The following INCENP variants were observed in gnomAD, a reference collection of about 807,000 sequenced individuals.
INCENP encodes inner centromere protein.
In INCENP, 43 loss-of-function variants were observed where a neutral mutation model predicts 107.3. The observed-to-expected ratio is 0.40, with a 90% CI of 0.31 to 0.52. The LOEUF (loss-of-function observed/expected upper bound fraction) is 0.52, where lower values mean the gene tolerates loss of function less well. INCENP is among the 20% of genes least tolerant of loss of function. INCENP has a pLI of 0.53. For missense variants in INCENP, 1,089 were observed against 1,250.9 expected (o/e 0.87, Z 1.95); for synonymous variants, 488 against 494.4 (o/e 0.99, Z 0.17).
At chr11:62,128,393 C>T (rs1943804502) in intron 2 of INCENP, 92 bp downstream of exon 2, 1 of 1,426,542 alleles carries the variant, frequency 7.0e-7, no homozygotes, top group Non-Finnish European at 9.7e-7. Context: ...TCCCCGCCTA[C>T]CTGGCAAAAC....
intron 7 of INCENP, among the ~76,000 whole-genome samples, chr11:62,139,804 GTTC>G (rs1162347269): frequency 1.3e-5 from 2 of 152,218 alleles, no homozygotes; most frequent in East Asian, 3.9e-4. Context: ...TCCACACACT[GTTC>G]TTCGTGTCAG....
At position 62,130,490 on chromosome 11, in the gene INCENP, G is replaced by A. The variant is rs1943868527; in HGVS notation, c.963G>A (p.Lys321=). ...SSPSPQVLAQ[K]YSLVAKQESV... ...CGAGTCCCCAAGTCTTAGCCCAGAA[G>A]TACTCTCTGGTGGCCAAACAGGAAA... is the stretch of plus-strand genomic sequence containing the variant. Residue 321 remains lysine (K), a synonymous_variant, in exon 4 of 19, where the codon AAG becomes AAA. Transcript: ENST00000394818. 3 of 1,614,098 alleles carry A rather than the reference G, an allele frequency of 1.9e-6. No individual in the cohort carries two copies. Among genetic ancestry groups the A allele is most frequent in the Non-Finnish European group, 2.5e-6 (3 of 1,180,024 alleles).
At chr11:62,137,705 G>T in intron 4 of INCENP, 127 bp from the exon 5 acceptor site, 2 of 802,956 alleles carry the variant, frequency 2.5e-6, no homozygotes, top group Admixed American at 1.8e-5. Flanking sequence ...TGGGCATGGT[G>T]GGGGCTCCAC....
At chr11:62,147,728 AG>A (rs1944283658) in intron 15 of INCENP, among the ~76,000 whole-genome samples, 1 of 152,144 alleles carries the variant, frequency 6.6e-6, no homozygotes, top group African/African-American at 2.4e-5. Context: ...AGTCACAGCC[AG>A]GGGGCTGCAC....
At chr11:62,149,362 G>C (rs762852009) in intron 17 of INCENP, among the ~76,000 whole-genome samples, 9 of 152,068 alleles carry the variant, frequency 5.9e-5, no homozygotes, top group Non-Finnish European at 8.8e-5. Flanking sequence ...GAATTCAGCC[G>C]GCTCCTCTTG....
Position 62,130,523 on chromosome 11 carries a change from C to A in INCENP, c.996C>A (p.Val332=). The A allele has an allele frequency of 4.3e-6, 7 of 1,614,070 alleles. No individual in the cohort carries two copies. Among genetic ancestry groups the A allele is most frequent in the Non-Finnish European group, 5.9e-6 (7 of 1,180,040 alleles). ...YSLVAKQESV[V]RRASRRLAKK... Reference sequence around the variant, plus strand: ...TGGTGGCCAAACAGGAAAGTGTTGTCCGCAGGGCGAGCAGAAGGCTTGCCA... The same window carrying A: ...TGGTGGCCAAACAGGAAAGTGTTGTACGCAGGGCGAGCAGAAGGCTTGCCA... Residue 332 remains valine, a synonymous_variant, in exon 4 of 19, where the codon GTC becomes GTA. Transcript: ENST00000394818.
chr11:62,127,019 A>G lies in INCENP; in HGVS notation c.-11-1132A>G, dbSNP rs186478613. Among the ~76,000 whole-genome samples, 364 of 149,928 alleles carry G rather than the reference A, an allele frequency of 2.4e-3. 4 individuals carry two copies. Among genetic ancestry groups the G allele is most frequent in the Non-Finnish European group, 3.3e-3 (226 of 67,616 alleles). On this transcript the variant is annotated intron_variant, in intron 1 of 18. Transcript: ENST00000394818. ...CTTCTTCCTTGCTTGAAGTTTTTGT[A>G]ATGGCTATCAAGTTTTTTGTTTTGT...
intron 7 of INCENP, 24 bp from the exon 8 acceptor site, chr11:62,140,210 T>A: frequency 6.2e-7 from 1 of 1,611,650 alleles, no homozygotes; most frequent in Non-Finnish European, 8.5e-7. Context: ...TTCTGCAGCC[T>A]TGCTGAAATT....
chr11:62,126,309 C>T (rs1487617594), intron 1 of INCENP, among the ~76,000 whole-genome samples: 2 of 152,014 alleles, frequency 1.3e-5, no homozygotes, highest in South Asian at 2.1e-4. Flanking sequence ...GATTCTCCTG[C>T]GTCAGCCTCC....
At chr11:62,127,780 G>C (rs1430136984) in intron 1 of INCENP, among the ~76,000 whole-genome samples, 1 of 151,880 alleles carries the variant, frequency 6.6e-6, no homozygotes, top group Admixed American at 6.6e-5. Flanking sequence ...GGGCCCTGGG[G>C]TGGCCAGGAA....
At position 62,128,881 on chromosome 11, in the gene INCENP, A is replaced by C; in HGVS notation, c.252A>C (p.Arg84Ser). The C allele has an allele frequency of 1.2e-6, 2 of 1,601,812 alleles. No homozygotes were observed. Among genetic ancestry groups the C allele is most frequent in the Non-Finnish European group, 8.6e-7 (1 of 1,168,848 alleles). The change falls in exon 3 of 19, where the codon AGA becomes AGC. Residue 84 changes from arginine (R) to serine (S), a missense_variant and splice_region_variant. Arg to Ser is a moderately radical substitution (Grantham distance 110). Transcript: ENST00000394818. ...VQDENRDPIR[R>S]RLSRRKSRSS... ...ATGAAAACAGAGATCCCATCAGGAG[A>C]AGGTAGGAGGGGTTGGGGGAGAGTG... is the stretch of plus-strand genomic sequence containing the variant.
intron 7 of INCENP, 126 bp downstream of exon 7, chr11:62,139,131 A>T (rs1373941666): frequency 1.5e-6 from 1 of 687,266 alleles, no homozygotes; most frequent in South Asian, 1.6e-5. Flanking sequence ...AAGAGAAATT[A>T]AACCTGGGGG....
At chr11:62,144,439 T>A (rs1425125604) in intron 11 of INCENP, among the ~76,000 whole-genome samples, 4 of 152,192 alleles carry the variant, frequency 2.6e-5, no homozygotes, top group African/African-American at 7.2e-5. Flanking sequence ...ACTGTTAGCA[T>A]TTGTCAATAT....
Position 62,140,955 on chromosome 11 carries a change from A to G in INCENP, c.1504A>G (p.Asn502Asp). 1.2e-6 allele frequency: 2 copies of G among 1,614,224 alleles called. No individual in the cohort carries two copies. The highest frequency in any genetic ancestry group is 1.7e-6 in the Non-Finnish European group (2 of 1,180,036). Residue 502 changes from asparagine (N) to aspartate (D), a missense_variant, in exon 10 of 19, where the codon AAC becomes GAC. Coordinates refer to ENST00000394818, the MANE Select transcript of INCENP (RefSeq NM_001040694.2). ...LRTFLHTVQR[N>D]QMLMTPTSAP... ...GACCTTTCTGCACACAGTGCAGAGGAACCAGATGCTCATGACCCCGACCTC... is the reference window on the plus strand; with the variant it reads ...GACCTTTCTGCACACAGTGCAGAGGGACCAGATGCTCATGACCCCGACCTC...
Position 62,151,892 on chromosome 11 carries a change from C to T in INCENP, c.2673C>T (p.Arg891=). ...AGAGCAAGCCCCGCTATCACAAGCG[C>T]ACCAGCTCTGCTGTCTGGAACTCAC... ...FKKSKPRYHK[R]TSSAVWNSPP... The change falls in exon 19 of 19, where the codon CGC becomes CGT. Residue 891 remains arginine, a synonymous_variant. Transcript: ENST00000394818. 1 of 1,614,142 alleles carries T rather than the reference C, an allele frequency of 6.2e-7. No individual in the cohort carries two copies. The highest frequency in any genetic ancestry group is 8.5e-7 in the Non-Finnish European group (1 of 1,180,042).
Position 62,146,892 on chromosome 11 carries a change from C to T in INCENP, c.2194C>T (p.Gln732Ter). Residue 732 changes from glutamine (Q) to a stop codon, truncating the protein, a stop_gained, in exon 15 of 19, where the codon CAG (glutamine) becomes TAG (stop). Transcript: ENST00000394818. LOFTEE classifies it high-confidence loss of function. The part of the protein sequence containing the change: ...QERRREQERL[Q>*]AERELQEREK... ...GCGTCGGCGGGAGCAGGAGCGGCTC[C>T]AGGCCGAGAGGTGAGGGACCTGCTG... 1 of 1,601,538 alleles carries T rather than the reference C, an allele frequency of 6.2e-7. No individual in the cohort carries two copies. Among genetic ancestry groups the T allele is most frequent in the South Asian group, 1.1e-5 (1 of 90,474 alleles).
At chr11:62,132,751 G>A (rs1160059807) in intron 4 of INCENP, among the ~76,000 whole-genome samples, 2 of 152,076 alleles carry the variant, frequency 1.3e-5, no homozygotes, top group Non-Finnish European at 2.9e-5. Context: ...TGATTTGACT[G>A]GTGCATGTTA....
chr11:62,150,844 G>C, intron 18 of INCENP, among the ~76,000 whole-genome samples: 1 of 152,212 alleles, frequency 6.6e-6, no homozygotes, highest in East Asian at 1.9e-4. Flanking sequence ...GGGTACCATG[G>C]GTGCCTTGCA....
At position 62,138,895 on chromosome 11, in the gene INCENP, A is replaced by G; in HGVS notation, c.1181A>G (p.Glu394Gly). The G allele has an allele frequency of 6.2e-7, 1 of 1,613,110 alleles. No homozygotes were observed. The highest frequency in any genetic ancestry group is 1.1e-5 in the South Asian group (1 of 91,070). ...PVAAAEPEVPENNGNNSWPHN... is the reference protein window; with the variant it reads ...PVAAAEPEVPGNNGNNSWPHN... ...CCTTGGTTCTTTCCACAGGTCCCTG[A>G]GAACAATGGAAATAACTCGTGGCCC... Residue 394 changes from glutamate (E) to glycine (G), a missense_variant, in exon 7 of 19, where the codon GAG becomes GGG. Physicochemically the swap from Glu to Gly is moderately conservative, Grantham distance 98. Coordinates refer to ENST00000394818, the MANE Select transcript of INCENP (RefSeq NM_001040694.2).
Sources: allele counts gnomAD v4.1 joint callset (sites outside exome capture counted in the v4.1 genomes callset), GRCh38; gene constraint gnomAD v4.1.1; transcripts MANE v1.5; gene names NCBI Gene and HGNC (gene_info 2026-07-23, HGNC 2026-07-21).